RFTN1: variants seen among roughly 807,000 people sequenced by gnomAD.
The protein encoded by RFTN1 is raftlin.
In RFTN1, 26 loss-of-function variants were observed where a neutral mutation model predicts 46.5. The ratio of observed to expected loss-of-function variants is 0.56; its 90% CI spans 0.41 to 0.78. RFTN1 has a LOEUF of 0.78. Ranked by LOEUF, RFTN1 falls within the 30% of genes least tolerant of loss-of-function variation. The pLI is 0.00. For missense variants in RFTN1, 693 were observed against 718.7 expected, an observed-to-expected ratio of 0.96 and a Z score of 0.41; for synonymous variants, 261 against 284.2, an observed-to-expected ratio of 0.92 and a Z score of 0.82.
Position 16,344,880 on chromosome 3 carries a change from A to G in RFTN1, c.1146+13052T>C, listed in dbSNP as rs1215816119. 6.6e-6 allele frequency among the ~76,000 whole-genome samples: 1 copy of G among 152,206 alleles called. No homozygotes were observed. Among genetic ancestry groups the G allele is most frequent in the African/African-American group, 2.4e-5 (1 of 41,460 alleles). Reference sequence around the variant, plus strand: ...ACACATAACTACAAGAACACCCCCCAACCTTTTATGCTCACTGATTTAATA... The same window carrying G: ...ACACATAACTACAAGAACACCCCCCGACCTTTTATGCTCACTGATTTAATA... On this transcript the variant is annotated intron_variant, in intron 7 of 9. Transcript: ENST00000334133. The surrounding 1 kb of genome is among the most constrained non-coding windows in gnomAD (Gnocchi z 4.4).
rs2075823924 is a variant in RFTN1, at chr3:16,451,584, AG to A, written c.146-17548del. Reference sequence around the variant, plus strand: ...ATATGCCTGAAACCACAGATAGTAAAGAACCCAATTGCTGCCAATCAGAGCA... The same window carrying A: ...ATATGCCTGAAACCACAGATAGTAAAAACCCAATTGCTGCCAATCAGAGCA... On this transcript the variant is annotated intron_variant, in intron 2 of 9. Transcript: ENST00000334133. This position sits in a 1 kb window ranked among gnomAD's most constrained non-coding sequence, Gnocchi z 4.2. Among the ~76,000 whole-genome samples the A allele has an allele frequency of 6.6e-6, 1 of 152,220 alleles. No individual in the cohort carries two copies. Among genetic ancestry groups the A allele is most frequent in the African/African-American group, 2.4e-5 (1 of 41,468 alleles).
intron 2 of RFTN1, among the ~76,000 whole-genome samples, chr3:16,463,397 C>T (rs185425893): frequency 8.9e-4 from 135 of 152,188 alleles, no homozygotes; most frequent in Middle Eastern, 3.4e-3. Context: ...CAGCTTAAAT[C>T]GTTTCTATTA....
At chr3:16,363,801 C>T (rs537786086) in intron 6 of RFTN1, among the ~76,000 whole-genome samples, 7 of 152,042 alleles carry the variant, frequency 4.6e-5, no homozygotes, top group Non-Finnish European at 2.9e-5. Flanking sequence ...TCTCTGAGGG[C>T]GCCTTCTCTC....
At position 16,498,302 on chromosome 3, in the gene RFTN1, C is replaced by T. The variant is rs897414357; in HGVS notation, c.-8-4425G>A. Among the ~76,000 whole-genome samples the T allele has an allele frequency of 3.9e-5, 6 of 152,196 alleles. No homozygotes were observed. ...CTTAGCCAATCACAGCAGCAGAATG[C>T]AGTCAATCACAGGCAGTGAATTAAT... On this transcript the variant is annotated intron_variant, in intron 1 of 9. Coordinates refer to ENST00000334133, the MANE Select transcript of RFTN1 (RefSeq NM_015150.2). The surrounding 1 kb of genome is among the most constrained non-coding windows in gnomAD (Gnocchi z 5.2).
intron 4 of RFTN1, among the ~76,000 whole-genome samples, chr3:16,394,237 T>C (rs2074417894): frequency 6.6e-6 from 1 of 152,010 alleles, no homozygotes; most frequent in South Asian, 2.1e-4. Context: ...ATTAGCTGGG[T>C]GTGGTGGTGC....
At position 16,480,998 on chromosome 3, in the gene RFTN1, G is replaced by GACACACACAC. The variant is rs34945684; in HGVS notation, c.145+12717_145+12726dup. On this transcript the variant is annotated intron_variant, in intron 2 of 9. Transcript: ENST00000334133. The surrounding 1 kb of genome is among the most constrained non-coding windows in gnomAD (Gnocchi z 4.3). Reference sequence around the variant, plus strand: ...ATATGCACATGCACACACACACACAGACACACACACACACACACACACACA... The same window carrying GACACACACAC: ...ATATGCACATGCACACACACACACAGACACACACACACACACACACACACACACACACACA... 8.5e-4 allele frequency among the ~76,000 whole-genome samples: 124 copies of GACACACACAC among 145,884 alleles called. 1 individual carries two copies. In the South Asian group the frequency reaches 0.022, roughly 26 times the overall value.
chr3:16,473,406 T>C lies in RFTN1; in HGVS notation c.145+20319A>G, dbSNP rs1445573776. Among the ~76,000 whole-genome samples, 1 of 151,846 alleles carries C rather than the reference T, an allele frequency of 6.6e-6. No individual in the cohort carries two copies. The highest frequency in any genetic ancestry group is 1.5e-5 in the Non-Finnish European group (1 of 67,940). On this transcript the variant is annotated intron_variant, in intron 2 of 9. Coordinates refer to ENST00000334133, the MANE Select transcript of RFTN1 (RefSeq NM_015150.2). The surrounding 1 kb of genome is among the most constrained non-coding windows in gnomAD (Gnocchi z 5.3). ...ACTCTGTTTTCTTTCTTTTTTCTTT[T>C]TTTTTTTTTCCTGAGATAGAGTCTG...
rs1233616219 is a variant in RFTN1 at position 16,382,732 on chromosome 3, C to A, written c.442-4630G>T. ...TAATCCTGTGTGTCTGTTCACCACA[C>A]CCTACCACATTTATCCCCCAGTGTT... On this transcript the variant is annotated intron_variant, in intron 4 of 9. Transcript: ENST00000334133. The surrounding 1 kb of genome is among the most constrained non-coding windows in gnomAD (Gnocchi z 4.7). Among the ~76,000 whole-genome samples the A allele has an allele frequency of 1.6e-4, 25 of 152,322 alleles. No homozygotes were observed. The highest frequency in any genetic ancestry group is 1.6e-3 in the Admixed American group (24 of 15,308).
At chr3:16,364,959 T>C (rs2073063132) in intron 6 of RFTN1, among the ~76,000 whole-genome samples, 1 of 152,220 alleles carries the variant, frequency 6.6e-6, no homozygotes, top group Admixed American at 6.5e-5. Context: ...ATGGGTGTGC[T>C]CACCTTGTGA....
At chr3:16,404,159 T>A (rs1163615120) in intron 4 of RFTN1, among the ~76,000 whole-genome samples, 5 of 72 alleles carry the variant, frequency 0.069, 1 homozygote, top group Non-Finnish European at 0.081. Context: ...TTATATATAT[T>A]ATATATAATA....
chr3:16,436,726 C>A (rs566814443), intron 2 of RFTN1, among the ~76,000 whole-genome samples: 3 of 152,114 alleles, frequency 2.0e-5, no homozygotes, highest in Non-Finnish European at 2.9e-5. Flanking sequence ...ATATCATATG[C>A]CACTTATCAT....
At position 16,451,104 on chromosome 3, in the gene RFTN1, C is replaced by T. The variant is rs1036813728; in HGVS notation, c.146-17067G>A. On this transcript the variant is annotated intron_variant, in intron 2 of 9. Transcript: ENST00000334133. The surrounding 1 kb of genome is among the most constrained non-coding windows in gnomAD (Gnocchi z 4.2). ...TAAACTCTCATTATGAGAAAACATG[C>T]AGACAGAAGATCAGGTCTCCAGCCA... Among the ~76,000 whole-genome samples, 3 of 152,186 alleles carry T rather than the reference C, an allele frequency of 2.0e-5. No individual in the cohort carries two copies. Among genetic ancestry groups the T allele is most frequent in the South Asian group, 4.1e-4 (2 of 4,824 alleles).
In RFTN1 at chr3:16,484,064, C is replaced by T. The variant is rs1035198622; in HGVS notation, c.145+9661G>A. On this transcript the variant is annotated intron_variant, in intron 2 of 9. Coordinates refer to ENST00000334133, the MANE Select transcript of RFTN1 (RefSeq NM_015150.2). The surrounding 1 kb of genome is among the most constrained non-coding windows in gnomAD (Gnocchi z 4.6). ...GGCCATGGAACTGGCCTATCATCTC[C>T]CTTCACGAAATCAGAAAGGCTAATA... Among the ~76,000 whole-genome samples, 2 of 152,210 alleles carry T rather than the reference C, an allele frequency of 1.3e-5. No homozygotes were observed. Among genetic ancestry groups the T allele is most frequent in the African/African-American group, 4.8e-5 (2 of 41,452 alleles).
chr3:16,344,883 C>A lies in RFTN1; in HGVS notation c.1146+13049G>T, dbSNP rs544210690. On this transcript the variant is annotated intron_variant, in intron 7 of 9. Transcript: ENST00000334133. The surrounding 1 kb of genome is among the most constrained non-coding windows in gnomAD (Gnocchi z 4.4). ...CATAACTACAAGAACACCCCCCAAC[C>A]TTTTATGCTCACTGATTTAATATAC... 2.3e-4 allele frequency among the ~76,000 whole-genome samples: 35 copies of A among 152,330 alleles called. No individual in the cohort carries two copies. Among genetic ancestry groups the A allele is most frequent in the African/African-American group, 8.4e-4 (35 of 41,568 alleles).
intron 9 of RFTN1, 126 bp downstream of exon 9, chr3:16,323,250 A>G: frequency 1.5e-6 from 1 of 673,126 alleles, no homozygotes; most frequent in Admixed American, 2.9e-5. Context: ...CCAGGGGCTC[A>G]GGTGTTCCTT....
chr3:16,433,900 T>C lies in RFTN1; in HGVS notation c.283A>G (p.Thr95Ala). 1 of 1,614,134 alleles carries C rather than the reference T, an allele frequency of 6.2e-7. No individual in the cohort carries two copies. Among genetic ancestry groups the C allele is most frequent in the Non-Finnish European group, 8.5e-7 (1 of 1,180,016 alleles). Residue 95 changes from threonine (T) to alanine (A), a missense_variant, in exon 3 of 10, where the codon ACG becomes GCG. By Grantham distance (58) the Thr-to-Ala change is moderately conservative (BLOSUM62 0). Transcript: ENST00000334133. This position sits in a 1 kb window ranked among gnomAD's most constrained non-coding sequence, Gnocchi z 4.4. ...GCTCTAAAGATGTGCTCCAGGGGCG[T>C]CTTCTCCCGCTCATGGGTGGGCTGC... Reference protein sequence around the residue: ...FVQPTHEREKTPLEHIFRAIL... With the variant: ...FVQPTHEREKAPLEHIFRAIL...
chr3:16,459,230 C>T lies in RFTN1; in HGVS notation c.146-25193G>A, dbSNP rs74509843. Among the ~76,000 whole-genome samples the T allele has an allele frequency of 2.6e-3, 398 of 152,290 alleles. No homozygotes were observed. The highest frequency in any genetic ancestry group is 3.4e-3 in the Middle Eastern group (1 of 294). ...ACAGGTATGAGCCACTGTGCCTGGC[C>T]ACTACTGTGTTTTCTGAAGGAAATT... is the stretch of plus-strand genomic sequence containing the variant. On this transcript the variant is annotated intron_variant, in intron 2 of 9. Coordinates refer to ENST00000334133, the MANE Select transcript of RFTN1 (RefSeq NM_015150.2). The surrounding 1 kb of genome is among the most constrained non-coding windows in gnomAD (Gnocchi z 4.2).
chr3:16,364,258 T>C (rs2073013262), intron 6 of RFTN1, among the ~76,000 whole-genome samples: 1 of 152,350 alleles, frequency 6.6e-6, no homozygotes, highest in South Asian at 2.1e-4. Flanking sequence ...CCAGATGCAG[T>C]TCAAGGCTTT....
intron 3 of RFTN1, among the ~76,000 whole-genome samples, chr3:16,431,623 G>C (rs1386286784): frequency 6.6e-6 from 1 of 152,116 alleles, no homozygotes; most frequent in African/African-American, 2.4e-5. Context: ...AAATGGACTT[G>C]TCTCCTTTAA....
Sources: gnomAD v4.1 joint callset for allele counts (sites outside exome capture counted in the v4.1 genomes callset) on GRCh38, gnomAD v4.1.1 for gene constraint, Gnocchi (gnomAD v3.1) non-coding constraint, MANE v1.5 for transcripts, NCBI Gene and HGNC (gene_info 2026-07-23, HGNC 2026-07-21) for gene names.